Variants in BDH2 observed in about 807,000 individuals in gnomAD.
The protein encoded by BDH2 is 3-hydroxybutyrate dehydrogenase 2.
BDH2 carries 24 observed loss-of-function variants against 33.2 expected under a neutral mutation model. The observed-to-expected ratio is 0.72, with a 90% CI of 0.52 to 1.02. The LOEUF is 1.02. BDH2 is among the 50% of genes least tolerant of loss of function. The probability of loss-of-function intolerance (pLI) is 0.00; values close to 1 mark genes in which losing one functional copy is unlikely to be tolerated. For synonymous variants in BDH2, 81 were observed against 101.6 expected (o/e 0.80, Z 1.22); for missense variants, 249 against 301.6 (o/e 0.83, Z 1.29).
At chr4:103,087,515 A>G (rs1249289562) in intron 5 of BDH2, among the ~76,000 whole-genome samples, 2 of 152,224 alleles carry the variant, frequency 1.3e-5, no homozygotes, top group Non-Finnish European at 2.9e-5. Flanking sequence ...TGGTTGCTGC[A>G]GGGATGGTGG....
At chr4:103,088,454 A>G (rs902158687) in intron 5 of BDH2, among the ~76,000 whole-genome samples, 15 of 152,298 alleles carry the variant, frequency 9.8e-5, no homozygotes, top group African/African-American at 3.6e-4. Flanking sequence ...CTATCCATTC[A>G]ACCAAGTTCA....
intron 8 of BDH2, 152 bp downstream of exon 8, chr4:103,082,719 C>G: frequency 3.0e-6 from 2 of 677,160 alleles, no homozygotes; most frequent in South Asian, 3.6e-5. Context: ...TGGAACCTCT[C>G]TACTCATTAA....
intron 1 of BDH2, 85 bp from the exon 2 acceptor site, chr4:103,096,359 C>G (rs1748405754): frequency 1.2e-6 from 1 of 816,014 alleles, no homozygotes; most frequent in South Asian, 1.8e-5. Flanking sequence ...GTTCAGTGTG[C>G]TCTTTTAAGA....
Position 103,082,124 on chromosome 4 carries a change from G to A in BDH2, c.641C>T (p.Ala214Val). The A allele has an allele frequency of 6.2e-7, 1 of 1,614,150 alleles. No homozygotes were observed. The highest frequency in any genetic ancestry group is 8.5e-7 in the Non-Finnish European group (1 of 1,180,016). Residue 214 changes from alanine to valine, a missense_variant, in exon 9 of 10, where the codon GCA (alanine) becomes GTA (valine). Physicochemically the swap from Ala to Val is moderately conservative, Grantham distance 64 (BLOSUM62 0). Coordinates refer to ENST00000296424, the MANE Select transcript of BDH2 (RefSeq NM_020139.4). ...KRQKTGRFATAEEIAMLCVYL... is the reference protein window; with the variant it reads ...KRQKTGRFATVEEIAMLCVYL... Reference sequence around the variant, plus strand: ...CACGCAGAGCATGGCTATTTCTTCTGCAGTTGCGAATCTTCCCGTCTTTTG... The same window carrying A: ...CACGCAGAGCATGGCTATTTCTTCTACAGTTGCGAATCTTCCCGTCTTTTG...
rs1384075090 is a variant in BDH2 at position 103,079,754 on chromosome 4, G to T, written c.686C>A (p.Ser229Tyr). The change falls in exon 10 of 10, where the codon TCT (serine) becomes TAT (tyrosine). Residue 229 changes from serine to tyrosine, a missense_variant and splice_region_variant. Transcript: ENST00000296424. ...GACAGGGTTACCAGTTACATAAGCAGACTGCAGTGATAAACACAAGGAGAC... is the reference window on the plus strand; with the variant it reads ...GACAGGGTTACCAGTTACATAAGCATACTGCAGTGATAAACACAAGGAGAC... ...MLCVYLASDE[S>Y]AYVTGNPVII... The T allele has an allele frequency of 3.1e-6, 5 of 1,613,200 alleles. No homozygotes were observed. Among genetic ancestry groups the T allele is most frequent in the Admixed American group, 3.3e-5 (2 of 60,004 alleles).
intron 7 of BDH2, 90 bp downstream of exon 7, chr4:103,085,259 T>C (rs913025571): frequency 6.6e-5 from 65 of 982,840 alleles, no homozygotes; most frequent in Non-Finnish European, 9.9e-5. Context: ...CTTTGTAGCA[T>C]GAAAACAGCC....
At chr4:103,086,381 A>G in intron 6 of BDH2, 99 bp downstream of exon 6, 1 of 1,440,382 alleles carries the variant, frequency 6.9e-7, no homozygotes, top group East Asian at 2.5e-5. Flanking sequence ...TCATTTCAAT[A>G]CTTGAAATTA....
intron 8 of BDH2, 131 bp downstream of exon 8, chr4:103,082,740 C>G (rs1747584226): frequency 1.3e-6 from 1 of 780,750 alleles, no homozygotes; most frequent in South Asian, 1.5e-5. Context: ...GCATTAACTA[C>G]TCTTTTCCCT....
intron 1 of BDH2, among the ~76,000 whole-genome samples, chr4:103,097,049 AT>A (rs1325034937): frequency 6.6e-6 from 1 of 151,602 alleles, no homozygotes; most frequent in Non-Finnish European, 1.5e-5. Flanking sequence ...ATTGCTTATG[AT>A]TTTTTTTCTC....
At chr4:103,091,691 G>A (rs1224117282) in intron 4 of BDH2, 1 of 455,974 alleles carries the variant, frequency 2.2e-6, no homozygotes, top group Admixed American at 2.4e-5. Context: ...GATGCAGTGA[G>A]CTATGATCAT....
At chr4:103,089,007 T>C (rs1747940365) in intron 5 of BDH2, among the ~76,000 whole-genome samples, 1 of 152,226 alleles carries the variant, frequency 6.6e-6, no homozygotes, top group Non-Finnish European at 1.5e-5. Flanking sequence ...TGCATTGACC[T>C]CTTCTTAAAG....
At chr4:103,093,460 A>G (rs1020107270) in intron 3 of BDH2, among the ~76,000 whole-genome samples, 3 of 151,904 alleles carry the variant, frequency 2.0e-5, no homozygotes, top group Admixed American at 6.6e-5. Flanking sequence ...TGAGAGATAC[A>G]CACTGCACTA....
chr4:103,094,434 A>G (rs1748262173), intron 3 of BDH2, among the ~76,000 whole-genome samples: 1 of 152,196 alleles, frequency 6.6e-6, no homozygotes, highest in Admixed American at 6.5e-5. Flanking sequence ...ACACACATAC[A>G]TACACACAGA....
At chr4:103,098,846 T>C (rs1748526340) in intron 1 of BDH2, 1 of 152,142 alleles carries the variant, frequency 6.6e-6, no homozygotes, top group Non-Finnish European at 1.5e-5. Flanking sequence ...GGAGTCTGCT[T>C]CTTGGAGGAG....
chr4:103,079,969 G>A (rs996002547), intron 9 of BDH2, among the ~76,000 whole-genome samples: 1 of 152,136 alleles, frequency 6.6e-6, no homozygotes, highest in Non-Finnish European at 1.5e-5. Context: ...GCCTCTGGCT[G>A]GTGTCTAAGC....
At chr4:103,094,722 A>T (rs1310059387) in intron 3 of BDH2, among the ~76,000 whole-genome samples, 1 of 152,032 alleles carries the variant, frequency 6.6e-6, no homozygotes, top group African/African-American at 2.4e-5. Context: ...GCATGTTGAG[A>T]TTATATTTTA....
chr4:103,090,539 C>G (rs547729841), intron 5 of BDH2, among the ~76,000 whole-genome samples: 20 of 152,318 alleles, frequency 1.3e-4, no homozygotes, highest in Admixed American at 9.1e-4. Flanking sequence ...AGGGGCTCAA[C>G]GTCCAGGCTT....
Position 103,097,234 on chromosome 4 carries a change from C to T in BDH2, c.-20-960G>A, listed in dbSNP as rs1748454393. On this transcript the variant is annotated intron_variant, in intron 1 of 9. Transcript: ENST00000296424. Reference sequence around the variant, plus strand: ...CTAAACTTAGACTTCCAGACTCTTGCTATGTGAACAGTCCAGCCCACAATG... The same window carrying T: ...CTAAACTTAGACTTCCAGACTCTTGTTATGTGAACAGTCCAGCCCACAATG... Among the ~76,000 whole-genome samples, 3 of 152,284 alleles carry T rather than the reference C, an allele frequency of 2.0e-5. No individual in the cohort carries two copies. In the South Asian group the frequency reaches 6.2e-4, roughly 32 times the overall value.
Position 103,092,684 on chromosome 4 carries a change from C to T in BDH2, c.164G>A (p.Arg55His). 3 of 1,610,706 alleles carry T rather than the reference C, an allele frequency of 1.9e-6. No individual in the cohort carries two copies. The highest frequency in any genetic ancestry group is 1.7e-6 in the Non-Finnish European group (2 of 1,177,252). ...TTTCTTCTTTGTGACATCAAGGACA[C>T]GAGTTTGAATACCTGAAAAATAAAA... is the stretch of plus-strand genomic sequence containing the variant. ...ELEKYPGIQT[R>H]VLDVTKKKQI... Residue 55 changes from arginine (R) to histidine (H), a missense_variant, in exon 4 of 10, where the codon CGT becomes CAT. By Grantham distance (29) the Arg-to-His change is conservative. Coordinates refer to ENST00000296424, the MANE Select transcript of BDH2 (RefSeq NM_020139.4).
Sources: gnomAD v4.1 joint callset for allele counts (sites outside exome capture counted in the v4.1 genomes callset) on GRCh38, gnomAD v4.1.1 for gene constraint, MANE v1.5 for transcripts, NCBI Gene and HGNC (gene_info 2026-07-23, HGNC 2026-07-21) for gene names.